Variants in GUCY1A1 observed in about 807,000 individuals in gnomAD.
GUCY1A1 encodes guanylate cyclase soluble subunit alpha-1.
GUCY1A1 carries 48 observed loss-of-function variants against 64.5 expected under a neutral mutation model. The ratio of observed to expected loss-of-function variants is 0.74; its 90% confidence interval spans 0.59 to 0.95. The LOEUF is 0.95. Ranked by LOEUF, GUCY1A1 falls within the 40% of genes least tolerant of loss-of-function variation. The pLI, the probability that GUCY1A1 is intolerant of heterozygous loss-of-function variation, is 0.00. For synonymous variants in GUCY1A1, 308 were observed against 303.4 expected (o/e 1.02, Z -0.16); for missense variants, 804 against 825.3 (o/e 0.97, Z 0.32).
At chr4:155,694,523 T>A (rs1306725149) in intron 2 of GUCY1A1, among the ~76,000 whole-genome samples, 1 of 152,234 alleles carries the variant, frequency 6.6e-6, no homozygotes, top group African/African-American at 2.4e-5. Flanking sequence ...TTAATTAAAA[T>A]GCTTTAGTTA....
intron 3 of GUCY1A1, among the ~76,000 whole-genome samples, chr4:155,700,962 G>A (rs1295386848): frequency 6.6e-6 from 1 of 152,140 alleles, no homozygotes; most frequent in Non-Finnish European, 1.5e-5. Flanking sequence ...TCCTGAAGTG[G>A]TTGATTTTAT....
chr4:155,711,138 G>A lies in GUCY1A1; in HGVS notation c.973G>A (p.Glu325Lys). ...QGKPNFEEYFEILTPKINQTF... is the reference protein window; with the variant it reads ...QGKPNFEEYFKILTPKINQTF... ...AAAGCCTAATTTTGAAGAATACTTT[G>A]AAATTCTGACTCCAAAAATCAACCA... Residue 325 changes from glutamate to lysine, a missense_variant, in exon 6 of 10, where the codon GAA (glutamate) becomes AAA (lysine). Physicochemically the swap from Glu to Lys is moderately conservative, Grantham distance 56. Transcript: ENST00000506455. 1 of 1,613,316 alleles carries A rather than the reference G, an allele frequency of 6.2e-7. No homozygotes were observed. The highest frequency in any genetic ancestry group is 8.5e-7 in the Non-Finnish European group (1 of 1,179,238).
intron 2 of GUCY1A1, among the ~76,000 whole-genome samples, chr4:155,675,071 G>A (rs944820205): frequency 6.6e-6 from 1 of 151,510 alleles, no homozygotes; most frequent in African/African-American, 2.5e-5. Context: ...GAACATGATT[G>A]TGTATGTGGT....
intron 3 of GUCY1A1, among the ~76,000 whole-genome samples, chr4:155,702,451 T>C (rs915803329): frequency 7.9e-5 from 12 of 152,182 alleles, no homozygotes; most frequent in Admixed American, 2.0e-4. Flanking sequence ...TAATGTTACC[T>C]TCCTTTTTCC....
chr4:155,716,489 A>C (rs1733248939), intron 7 of GUCY1A1, among the ~76,000 whole-genome samples: 1 of 152,184 alleles, frequency 6.6e-6, no homozygotes, highest in Non-Finnish European at 1.5e-5. Flanking sequence ...TGATAATGAT[A>C]AGGTTAATAC....
rs528355877 is a variant in GUCY1A1, at chr4:155,700,431, A to T, written c.255+3309A>T. Reference sequence around the variant, plus strand: ...GTTAAGCACTGTAGGAAAATTAAAAAGCCAATGAAAATAGTGACTTATCCA... The same window carrying T: ...GTTAAGCACTGTAGGAAAATTAAAATGCCAATGAAAATAGTGACTTATCCA... On this transcript the variant is annotated intron_variant, in intron 3 of 9. Transcript: ENST00000506455. 1.3e-5 allele frequency among the ~76,000 whole-genome samples: 2 copies of T among 152,304 alleles called. 1 individual carries two copies. Among genetic ancestry groups the T allele is most frequent in the South Asian group, 4.1e-4 (2 of 4,828 alleles).
chr4:155,692,435 T>C (rs1000918492), intron 2 of GUCY1A1, among the ~76,000 whole-genome samples: 18 of 152,178 alleles, frequency 1.2e-4, no homozygotes, highest in Non-Finnish European at 1.5e-5. Context: ...AAAGCATTCC[T>C]TTTTCTCCAC....
chr4:155,717,295 C>A lies in GUCY1A1; in HGVS notation c.1709C>A (p.Pro570His). 1.3e-6 allele frequency: 2 copies of A among 1,581,732 alleles called. No homozygotes were observed. Among genetic ancestry groups the A allele is most frequent in the Non-Finnish European group, 1.7e-6 (2 of 1,161,994 alleles). Residue 570 changes from proline to histidine, a missense_variant, in exon 8 of 10, where the codon CCT becomes CAT. By Grantham distance (77) the Pro-to-His change is moderately conservative (BLOSUM62 -2). Transcript: ENST00000506455. ...GAAGTTATGTCTCCCCATGGAGAAC[C>A]TATCAAGGTAAGGCAGATGATATAT... The part of the protein sequence containing the change: ...SDEVMSPHGE[P>H]IKMRIGLHSG...
chr4:155,728,179 G>T (rs78456780), intron 9 of GUCY1A1, among the ~76,000 whole-genome samples: 1 of 151,896 alleles, frequency 6.6e-6, no homozygotes, highest in Admixed American at 6.6e-5. Flanking sequence ...CATAAATCTA[G>T]ATTATTCATT....
At position 155,726,819 on chromosome 4, in the gene GUCY1A1, C is replaced by G. The variant is rs565929665; in HGVS notation, c.1872-3211C>G. Reference sequence around the variant, plus strand: ...TTGAAGTAAGGAAAACTAATAGAGACTAGTAGAGACTACATTAGATCAGTG... The same window carrying G: ...TTGAAGTAAGGAAAACTAATAGAGAGTAGTAGAGACTACATTAGATCAGTG... On this transcript the variant is annotated intron_variant, in intron 9 of 9. Coordinates refer to ENST00000506455, the MANE Select transcript of GUCY1A1 (RefSeq NM_001130682.3). 2.0e-5 allele frequency among the ~76,000 whole-genome samples: 3 copies of G among 152,040 alleles called. No individual in the cohort carries two copies. In the East Asian group the frequency reaches 5.8e-4, roughly 29 times the overall value.
At chr4:155,686,679 T>C (rs1560922449) in intron 2 of GUCY1A1, among the ~76,000 whole-genome samples, 1 of 152,200 alleles carries the variant, frequency 6.6e-6, no homozygotes, top group Non-Finnish European at 1.5e-5. Context: ...AATTTCCACA[T>C]TGGGAATAAT....
At chr4:155,719,032 C>A (rs1560961130) in intron 8 of GUCY1A1, among the ~76,000 whole-genome samples, 1 of 152,026 alleles carries the variant, frequency 6.6e-6, no homozygotes, top group Non-Finnish European at 1.5e-5. Flanking sequence ...AATATCTAGA[C>A]TATTAACAAC....
At chr4:155,724,800 G>T (rs1221667159) in intron 9 of GUCY1A1, among the ~76,000 whole-genome samples, 3 of 151,932 alleles carry the variant, frequency 2.0e-5, no homozygotes, top group Non-Finnish European at 4.4e-5. Context: ...GTGATTCTCT[G>T]CAGAGCTACA....
rs1030432600 is a variant in GUCY1A1, at chr4:155,736,611, A to G, written c.*6380A>G. 3.9e-5 allele frequency: 6 copies of G among 152,014 alleles called. No homozygotes were observed. Among genetic ancestry groups the G allele is most frequent in the Non-Finnish European group, 8.8e-5 (6 of 67,950 alleles). The allele number at this position is 152,014 out of a possible 1,614,324, so 9.4% of individuals were successfully genotyped here. ...TGTGATTTTTGGGTTAGATGAGACCACTTTTGATTTTTGAGGAATAAAAGG... is the reference window on the plus strand; with the variant it reads ...TGTGATTTTTGGGTTAGATGAGACCGCTTTTGATTTTTGAGGAATAAAAGG... On this transcript the variant is annotated 3_prime_UTR_variant, in exon 10 of 10. Coordinates refer to ENST00000506455, the MANE Select transcript of GUCY1A1 (RefSeq NM_001130682.3).
chr4:155,706,473 T>C (rs1731773160), intron 4 of GUCY1A1, among the ~76,000 whole-genome samples: 1 of 152,082 alleles, frequency 6.6e-6, no homozygotes, highest in African/African-American at 2.4e-5. Context: ...ATCCAATATA[T>C]CAACCAATAA....
chr4:155,677,922 AAAT>A (rs527660718), intron 2 of GUCY1A1, among the ~76,000 whole-genome samples: 2 of 151,904 alleles, frequency 1.3e-5, no homozygotes, highest in Non-Finnish European at 2.9e-5. Context: ...TTAAAATCTA[AAAT>A]AATAAGTTTA....
At chr4:155,688,240 CAAAAAAAA>C (rs879491708) in intron 2 of GUCY1A1, among the ~76,000 whole-genome samples, 3 of 144,534 alleles carry the variant, frequency 2.1e-5, no homozygotes, top group African/African-American at 7.8e-5. Context: ...AACAAACAAA[CAAAAAAAA>C]AAAAAAACTC....
chr4:155,694,791 G>A (rs1395263217), intron 2 of GUCY1A1, among the ~76,000 whole-genome samples: 1 of 152,172 alleles, frequency 6.6e-6, no homozygotes, highest in African/African-American at 2.4e-5. Context: ...TCATTGATTT[G>A]AAGCTTAAAT....
intron 2 of GUCY1A1, among the ~76,000 whole-genome samples, chr4:155,673,785 T>C (rs1734476551): frequency 6.6e-6 from 1 of 151,450 alleles, no homozygotes; most frequent in Non-Finnish European, 1.5e-5. Flanking sequence ...TGTTCAATCT[T>C]TGTGGGGCCC....
Sources: gnomAD v4.1 joint callset for allele counts (sites outside exome capture counted in the v4.1 genomes callset) on GRCh38, gnomAD v4.1.1 for gene constraint, MANE v1.5 for transcripts, NCBI Gene and HGNC (gene_info 2026-07-23, HGNC 2026-07-21) for gene names.